The following KCND2 variants were observed in gnomAD, a reference collection of about 807,000 sequenced individuals.
KCND2 encodes the protein A-type voltage-gated potassium channel KCND2.
Under a neutral mutation model 54.4 loss-of-function variants are expected in KCND2, and 16 were observed. The observed-to-expected ratio is 0.29, with a 90% CI of 0.20 to 0.45. The LOEUF is 0.45. Among genes scored for constraint, KCND2 ranks in the 20% least tolerant of loss-of-function variants. The probability of loss-of-function intolerance (pLI) is 1.00; values close to 1 mark genes in which losing one functional copy is unlikely to be tolerated. For missense variants in KCND2, 486 were observed against 824.2 expected, an observed-to-expected ratio of 0.59 and a Z score of 5.02; for synonymous variants, 317 against 310.7, an observed-to-expected ratio of 1.02 and a Z score of -0.21.
At chr7:120,558,181 C>G (rs1244410941) in intron 1 of KCND2, among the ~76,000 whole-genome samples, 3 of 152,180 alleles carry the variant, frequency 2.0e-5, no homozygotes, top group East Asian at 1.9e-4. Flanking sequence ...AAATCAACAA[C>G]AGGATACGCC....
At chr7:120,727,090 C>T (rs1792743456) in intron 1 of KCND2, among the ~76,000 whole-genome samples, 1 of 152,064 alleles carries the variant, frequency 6.6e-6, no homozygotes, top group South Asian at 2.1e-4. Context: ...CCTCATATAA[C>T]ATTTGTACTC....
chr7:120,687,147 G>T (rs1374915953), intron 1 of KCND2, among the ~76,000 whole-genome samples: 1 of 152,066 alleles, frequency 6.6e-6, no homozygotes, highest in Non-Finnish European at 1.5e-5. Flanking sequence ...AAATAAGCCA[G>T]ACACGGAAGG....
intron 1 of KCND2, among the ~76,000 whole-genome samples, chr7:120,379,347 C>A (rs925678394): frequency 6.6e-6 from 1 of 152,004 alleles, no homozygotes; most frequent in African/African-American, 2.4e-5. Flanking sequence ...TTGAGGGAAT[C>A]GTGGTACAGA....
chr7:120,667,266 T>C (rs1312803723), intron 1 of KCND2, among the ~76,000 whole-genome samples: 1 of 152,052 alleles, frequency 6.6e-6, no homozygotes, highest in Non-Finnish European at 1.5e-5. Context: ...ATTCTTAACT[T>C]TGGGAGACAT....
intron 1 of KCND2, among the ~76,000 whole-genome samples, chr7:120,664,143 C>T (rs1171501593): frequency 6.6e-6 from 1 of 152,104 alleles, no homozygotes; most frequent in Non-Finnish European, 1.5e-5. Flanking sequence ...TAATCTTAGG[C>T]AGTTTCCACT....
At chr7:120,676,118 G>A (rs1792058025) in intron 1 of KCND2, among the ~76,000 whole-genome samples, 1 of 152,134 alleles carries the variant, frequency 6.6e-6, no homozygotes, top group Non-Finnish European at 1.5e-5. Flanking sequence ...GATTACAGGT[G>A]TGAGCCACCG....
intron 1 of KCND2, among the ~76,000 whole-genome samples, chr7:120,549,925 A>C (rs575920186): frequency 6.6e-6 from 1 of 152,252 alleles, no homozygotes; most frequent in South Asian, 2.1e-4. Flanking sequence ...CAGATTTTTT[A>C]ATAGTATTAA....
At chr7:120,614,081 C>T (rs367754508) in intron 1 of KCND2, among the ~76,000 whole-genome samples, 16 of 150,756 alleles carry the variant, frequency 1.1e-4, no homozygotes, top group Non-Finnish European at 1.6e-4. Context: ...GGCACAATCT[C>T]GGCTCACTGC....
chr7:120,498,485 AG>A (rs1455102341), intron 1 of KCND2, among the ~76,000 whole-genome samples: 1 of 150,054 alleles, frequency 6.7e-6, no homozygotes, highest in Non-Finnish European at 1.5e-5. Flanking sequence ...TCTGAAAAAA[AG>A]ACACTCGACT....
chr7:120,642,313 G>C (rs1457311510), intron 1 of KCND2, among the ~76,000 whole-genome samples: 1 of 151,384 alleles, frequency 6.6e-6, no homozygotes, highest in Non-Finnish European at 1.5e-5. Flanking sequence ...ACTTTGGGAG[G>C]CCAAGGTGGG....
At chr7:120,346,681 CTCTG>C (rs200636701) in intron 1 of KCND2, among the ~76,000 whole-genome samples, 4 of 151,948 alleles carry the variant, frequency 2.6e-5, no homozygotes, top group Admixed American at 6.6e-5. Flanking sequence ...CTCTCTCTCT[CTCTG>C]TCTCTTTCTC....
At chr7:120,558,979 A>G (rs2116406930) in intron 1 of KCND2, among the ~76,000 whole-genome samples, 1 of 148,210 alleles carries the variant, frequency 6.7e-6, no homozygotes, top group South Asian at 2.2e-4. Flanking sequence ...GAGGTAGCCA[A>G]AGTTCACAAA....
chr7:120,343,738 A>G (rs186029719), intron 1 of KCND2, among the ~76,000 whole-genome samples: 1 of 152,202 alleles, frequency 6.6e-6, no homozygotes, highest in Non-Finnish European at 1.5e-5. Flanking sequence ...TAGCAAATGC[A>G]TTTATAATAC....
chr7:120,539,340 G>T (rs959810841), intron 1 of KCND2, among the ~76,000 whole-genome samples: 1 of 152,186 alleles, frequency 6.6e-6, no homozygotes, highest in East Asian at 1.9e-4. Flanking sequence ...CAAACTCATG[G>T]AATCAAAGTC....
chr7:120,732,258 G>C (rs1300369557), intron 1 of KCND2, among the ~76,000 whole-genome samples: 1 of 152,100 alleles, frequency 6.6e-6, no homozygotes, highest in Non-Finnish European at 1.5e-5. Context: ...AGAAGTGGTA[G>C]CCAATGAGAT....
At chr7:120,656,808 T>C (rs2116553588) in intron 1 of KCND2, among the ~76,000 whole-genome samples, 1 of 152,320 alleles carries the variant, frequency 6.6e-6, no homozygotes, top group Non-Finnish European at 1.5e-5. Flanking sequence ...CAATACCTCA[T>C]TTATCTCTCA....
At chr7:120,523,607 A>G (rs1201095791) in intron 1 of KCND2, among the ~76,000 whole-genome samples, 3 of 148,922 alleles carry the variant, frequency 2.0e-5, no homozygotes, top group South Asian at 2.1e-4. Context: ...GTACACACAT[A>G]TATGCACATA....
At chr7:120,492,485 A>T (rs1386521720) in intron 1 of KCND2, among the ~76,000 whole-genome samples, 2 of 152,006 alleles carry the variant, frequency 1.3e-5, no homozygotes, top group East Asian at 3.9e-4. Flanking sequence ...CTTATAAACA[A>T]CAAAAATTTA....
In KCND2 at chr7:120,636,456, A is replaced by G. The variant is rs888398335; in HGVS notation, c.1116-96447A>G. Among the ~76,000 whole-genome samples, 10 of 152,122 alleles carry G rather than the reference A, an allele frequency of 6.6e-5. No homozygotes were observed. In the East Asian group the frequency reaches 1.7e-3, roughly 26 times the overall value. ...GTATTTTAATAATGCTTCATGGGCTATGTTTGCTGTGGATGCTATTATTTT... is the reference window on the plus strand; with the variant it reads ...GTATTTTAATAATGCTTCATGGGCTGTGTTTGCTGTGGATGCTATTATTTT... On this transcript the variant is annotated intron_variant, in intron 1 of 5. Transcript: ENST00000331113.
Sources: allele counts gnomAD v4.1 joint callset (sites outside exome capture counted in the v4.1 genomes callset), GRCh38; gene constraint gnomAD v4.1.1; transcripts MANE v1.5; gene names NCBI Gene and HGNC (gene_info 2026-07-23, HGNC 2026-07-21).